The following FAM120B variants were observed in gnomAD, a reference collection of about 807,000 sequenced individuals.
The protein encoded by FAM120B is family with sequence similarity 120 member B, also known as constitutive coactivator of peroxisome proliferator-activated receptor gamma.
In FAM120B, 83 loss-of-function variants were observed where a neutral mutation model predicts 96.3. The ratio of observed to expected loss-of-function variants is 0.86; its 90% CI spans 0.72 to 1.03. The LOEUF (loss-of-function observed/expected upper bound fraction) is 1.03. Among genes scored for constraint, FAM120B ranks in the 50% least tolerant of loss-of-function variants. The pLI, the probability that FAM120B is intolerant of heterozygous loss-of-function variation, is 0.00. For missense variants in FAM120B, 1,027 were observed against 1,121.2 expected, an observed-to-expected ratio of 0.92 and a Z score of 1.20; for synonymous variants, 407 against 402.7, an observed-to-expected ratio of 1.01 and a Z score of -0.13.
intron 3 of FAM120B, among the ~76,000 whole-genome samples, chr6:170,326,446 A>G (rs1403847306): frequency 6.6e-6 from 1 of 152,136 alleles, no homozygotes; most frequent in Non-Finnish European, 1.5e-5. Context: ...GTTCTTGTTC[A>G]TTTCAGAATG....
At chr6:170,357,397 T>C (rs1788020944) in intron 5 of FAM120B, among the ~76,000 whole-genome samples, 1 of 152,140 alleles carries the variant, frequency 6.6e-6, no homozygotes, top group Non-Finnish European at 1.5e-5. Context: ...TCACGCCCTC[T>C]CCTTATCTCC....
At position 170,318,113 on chromosome 6, in the gene FAM120B, CT is replaced by C. The variant is rs1450424389; in HGVS notation, c.726del (p.Phe242LeufsTer12). 1.2e-6 allele frequency: 2 copies of C among 1,614,064 alleles called. No individual in the cohort carries two copies. Among genetic ancestry groups the C allele is most frequent in the African/African-American group, 1.3e-5 (1 of 74,914 alleles). On this transcript the variant is annotated frameshift_variant, in exon 2 of 11. Coordinates refer to ENST00000476287, the MANE Select transcript of FAM120B (RefSeq NM_032448.3). LOFTEE classifies it high-confidence loss of function. ...TAATCCCAGAGGGCATGTTTGAAAG[CT>C]TTAGGTACAAATGCTTATCGTCCTA... ...DIIPEGMFES[F>X]RYKCLSSYTS...
chr6:170,295,639 G>T lies in FAM120B; in HGVS notation c.48+186G>T, dbSNP rs1304397621. On this transcript the variant is annotated intron_variant, in intron 1 of 10. Coordinates refer to the FAM120B transcript ENST00000537664. This position sits in a 1 kb window ranked among gnomAD's most constrained non-coding sequence, Gnocchi z 7.8. ...CGGCTCCTAAGCCTCCCCGCTGGCC[G>T]CGGCTGCGCCGCTGGAGACCCGGCG... Among the ~76,000 whole-genome samples, 1 of 152,218 alleles carries T rather than the reference G, an allele frequency of 6.6e-6. No individual in the cohort carries two copies. Among genetic ancestry groups the T allele is most frequent in the Non-Finnish European group, 1.5e-5 (1 of 68,022 alleles).
rs148964541 is a variant in FAM120B at position 170,314,464 on chromosome 6, C to G, written c.-21-2906C>G. ...CAAAGGGAGTGATCCCCAAAGGGTC[C>G]CAGGCCATATTTGGGGCAATTAGAC... On this transcript the variant is annotated intron_variant, in intron 1 of 10. Transcript: ENST00000476287. Among the ~76,000 whole-genome samples, 554 of 152,238 alleles carry G rather than the reference C, an allele frequency of 3.6e-3. 3 individuals are homozygous for G. The highest frequency in any genetic ancestry group is 6.6e-3 in the South Asian group (32 of 4,822).
chr6:170,317,896 A>C lies in FAM120B; in HGVS notation c.506A>C (p.Gln169Pro). Residue 169 changes from glutamine to proline, a missense_variant, in exon 2 of 11, where the codon CAG becomes CCG. By Grantham distance (76) the Gln-to-Pro change is moderately conservative (BLOSUM62 -1). Transcript: ENST00000476287. ...ADYEVASYGL[Q>P]HNCLGILGED... ...TATGAGGTAGCTTCCTATGGCCTCC[A>C]GCATAACTGTCTTGGGATTCTGGGG... 2 of 1,614,242 alleles carry C rather than the reference A, an allele frequency of 1.2e-6. No individual in the cohort carries two copies. Among genetic ancestry groups the C allele is most frequent in the Non-Finnish European group, 1.7e-6 (2 of 1,180,032 alleles).
At chr6:170,399,729 A>C (rs1326102243) in intron 9 of FAM120B, among the ~76,000 whole-genome samples, 2 of 148,644 alleles carry the variant, frequency 1.3e-5, no homozygotes, top group Non-Finnish European at 1.5e-5. Flanking sequence ...AGGTAGAACT[A>C]TGTCATAACT....
chr6:170,383,719 AAC>A (rs1361307991), intron 6 of FAM120B, among the ~76,000 whole-genome samples: 1 of 152,170 alleles, frequency 6.6e-6, no homozygotes, highest in African/African-American at 2.4e-5. Flanking sequence ...CACTCTGGAA[AAC>A]AGTTTGGCCG....
intron 5 of FAM120B, among the ~76,000 whole-genome samples, chr6:170,350,899 A>G (rs924701308): frequency 1.3e-5 from 2 of 152,244 alleles, no homozygotes; most frequent in African/African-American, 4.8e-5. Context: ...CCACGACTGC[A>G]ACACCTCTCC....
At chr6:170,346,253 C>T (rs1310082153) in intron 4 of FAM120B, among the ~76,000 whole-genome samples, 1 of 151,890 alleles carries the variant, frequency 6.6e-6, no homozygotes, top group African/African-American at 2.4e-5. Context: ...TTCCACTGTC[C>T]ATCTCCCTGC....
At chr6:170,303,339 A>T (rs1332376544), upstream of FAM120B, among the ~76,000 whole-genome samples, 2 of 152,214 alleles carry the variant, frequency 1.3e-5, no homozygotes, top group African/African-American at 4.8e-5. Context: ...TCTGGGGCTC[A>T]TATGATCCTC....
At chr6:170,392,301 G>T (rs949928087) in intron 8 of FAM120B, among the ~76,000 whole-genome samples, 2 of 151,988 alleles carry the variant, frequency 1.3e-5, no homozygotes, top group Non-Finnish European at 2.9e-5. Flanking sequence ...TCCGCCTCCC[G>T]AGTTCAAGCG....
chr6:170,316,070 A>AG (rs2115014695), intron 1 of FAM120B, among the ~76,000 whole-genome samples: 1 of 151,856 alleles, frequency 6.6e-6, no homozygotes, highest in African/African-American at 2.4e-5. Context: ...AAAAAAAAAA[A>AG]AAAAAAAAAA....
At chr6:170,296,639 G>T (rs923474603) in intron 1 of FAM120B, among the ~76,000 whole-genome samples, 2 of 151,878 alleles carry the variant, frequency 1.3e-5, no homozygotes, top group South Asian at 4.1e-4. Context: ...CGGGGTCGGC[G>T]GGCGGGGCCG....
chr6:170,348,513 T>G (rs1489208340), intron 5 of FAM120B, among the ~76,000 whole-genome samples, 190 bp downstream of exon 5: 2 of 152,180 alleles, frequency 1.3e-5, no homozygotes, highest in Non-Finnish European at 2.9e-5. Flanking sequence ...TACAAGAAAC[T>G]CTGTCACTAC....
chr6:170,314,277 C>A (rs1281350598), intron 1 of FAM120B, among the ~76,000 whole-genome samples: 1 of 152,240 alleles, frequency 6.6e-6, no homozygotes, highest in Non-Finnish European at 1.5e-5. Flanking sequence ...TTCTACTTTG[C>A]ACTGCTTCTT....
chr6:170,330,417 A>C (rs776551753), intron 3 of FAM120B, 32 bp from the exon 4 acceptor site: 1 of 1,556,922 alleles, frequency 6.4e-7, no homozygotes, highest in Non-Finnish European at 8.9e-7. Context: ...GCATGCCCTC[A>C]TGCATCTACT....
At chr6:170,369,274 G>A (rs1789021624) in intron 6 of FAM120B, among the ~76,000 whole-genome samples, 1 of 152,222 alleles carries the variant, frequency 6.6e-6, no homozygotes, top group Non-Finnish European at 1.5e-5. Flanking sequence ...GGCCAAGAGA[G>A]AAGAGAGGTT....
intron 8 of FAM120B, among the ~76,000 whole-genome samples, chr6:170,392,211 C>A (rs956382901): frequency 2.0e-5 from 3 of 151,942 alleles, no homozygotes; most frequent in Non-Finnish European, 2.9e-5. Context: ...GGGTTTTTTG[C>A]TTTTTGTTTT....
rs111435387 is a variant in FAM120B, at chr6:170,340,389, T to C, written c.2018-7762T>C. ...ACTGGTTATTCCAGTTAGCAGTTCC[T>C]GTAAGTGTTTATCAAGGTTCTTAGC... On this transcript the variant is annotated intron_variant, in intron 4 of 10. Coordinates refer to ENST00000476287, the MANE Select transcript of FAM120B (RefSeq NM_032448.3). Among the ~76,000 whole-genome samples, 222 of 149,754 alleles carry C rather than the reference T, an allele frequency of 1.5e-3. 1 individual carries two copies. The highest frequency in any genetic ancestry group is 5.0e-3 in the African/African-American group (209 of 41,470).
Sources: allele counts gnomAD v4.1 joint callset (sites outside exome capture counted in the v4.1 genomes callset), GRCh38; gene constraint gnomAD v4.1.1; non-coding constraint Gnocchi (gnomAD v3.1); transcripts MANE v1.5; gene names NCBI Gene and HGNC (gene_info 2026-07-23, HGNC 2026-07-21).